Variants in MUSK observed in about 807,000 individuals in gnomAD.
The protein encoded by MUSK is muscle, skeletal receptor tyrosine-protein kinase.
Under a neutral mutation model 88.7 loss-of-function variants are expected in MUSK, and 55 were observed. The ratio of observed to expected loss-of-function variants is 0.62; its 90% CI spans 0.50 to 0.78. MUSK has a LOEUF of 0.78. Ranked by LOEUF, MUSK falls within the 30% of genes least tolerant of loss-of-function variation. The pLI is 0.00. For synonymous variants in MUSK, 387 were observed against 391.9 expected, an observed-to-expected ratio of 0.99 and a Z score of 0.15; for missense variants, 1,015 against 1,074.3, an observed-to-expected ratio of 0.94 and a Z score of 0.77.
chr9:110,723,196 C>T (rs922713402), intron 5 of MUSK, among the ~76,000 whole-genome samples: 6 of 151,096 alleles, frequency 4.0e-5, no homozygotes, highest in Non-Finnish European at 7.4e-5. Context: ...CACATACATA[C>T]ATATACACAC....
chr9:110,709,405 T>C (rs1046693164), intron 5 of MUSK, among the ~76,000 whole-genome samples: 2 of 152,210 alleles, frequency 1.3e-5, no homozygotes, highest in Non-Finnish European at 2.9e-5. Context: ...AAATCCTGGT[T>C]CTACCACCTA....
In MUSK at chr9:110,775,937, C is replaced by T. The variant is rs1000792918; in HGVS notation, c.1334C>T (p.Thr445Met). ...SKLPSMHWDPTACARLPHLDY... is the reference protein window; with the variant it reads ...SKLPSMHWDPMACARLPHLDY... The stretch of plus-strand genomic sequence containing the variant: ...CTTCCCAGCATGCATTGGGACCCCA[C>T]GGCCTGTGCCAGACTGCCACATCTA... Residue 445 changes from threonine (T) to methionine (M), a missense_variant, in exon 10 of 15, where the codon ACG becomes ATG. Coordinates refer to ENST00000374448, the MANE Select transcript of MUSK (RefSeq NM_005592.4). The T allele has an allele frequency of 1.2e-6, 2 of 1,613,570 alleles. No individual in the cohort carries two copies. Among genetic ancestry groups the T allele is most frequent in the Non-Finnish European group, 1.7e-6 (2 of 1,179,580 alleles).
chr9:110,753,904 C>A (rs1218017775), intron 7 of MUSK, among the ~76,000 whole-genome samples: 1 of 152,116 alleles, frequency 6.6e-6, no homozygotes, highest in Non-Finnish European at 1.5e-5. Context: ...ATCAGTATAG[C>A]TGATTGAATG....
chr9:110,703,713 CAGAA>C (rs1475394244), intron 5 of MUSK, among the ~76,000 whole-genome samples: 2 of 151,634 alleles, frequency 1.3e-5, no homozygotes, highest in Non-Finnish European at 2.9e-5. Flanking sequence ...GAATTCAGTG[CAGAA>C]AGATTTTGAA....
chr9:110,788,754 T>C (rs1325086735), intron 14 of MUSK, among the ~76,000 whole-genome samples: 1 of 152,238 alleles, frequency 6.6e-6, no homozygotes, highest in African/African-American at 2.4e-5. Context: ...TACAGACTTT[T>C]TAAAGTGTTA....
rs1370935371 is a variant in MUSK at position 110,804,406 on chromosome 9, T to C, written c.*3418T>C. Among the ~76,000 whole-genome samples, 2 of 152,268 alleles carry C rather than the reference T, an allele frequency of 1.3e-5. No individual in the cohort carries two copies. The highest frequency in any genetic ancestry group is 3.8e-4 in the East Asian group (2 of 5,196). On this transcript the variant is annotated 3_prime_UTR_variant, in exon 15 of 15. Coordinates refer to ENST00000374448, the MANE Select transcript of MUSK (RefSeq NM_005592.4). ...AGATCTCATAGCCCTAAACATTTGC[T>C]TTCATAGATAATTTTCTGTTTTTTA...
intron 5 of MUSK, among the ~76,000 whole-genome samples, chr9:110,732,084 G>T (rs544987055): frequency 2.0e-5 from 3 of 152,042 alleles, no homozygotes; most frequent in African/African-American, 7.2e-5. Context: ...CATTCAAAAG[G>T]CGTTTTTGAT....
Position 110,695,492 on chromosome 9 carries a change from C to A in MUSK, c.448C>A (p.Pro150Thr). ...ATGTACTACAATGGGTAATCCCAAA[C>A]CATCAGTGTCTTGGATAAAGGGAGA... The part of the protein sequence containing the change: ...LPCTTMGNPK[P>T]SVSWIKGDSP... Residue 150 changes from proline to threonine, a missense_variant, in exon 4 of 15, where the codon CCA becomes ACA. Physicochemically the swap from Pro to Thr is conservative, Grantham distance 38. Coordinates refer to ENST00000374448, the MANE Select transcript of MUSK (RefSeq NM_005592.4). 1 of 1,566,736 alleles carries A rather than the reference C, an allele frequency of 6.4e-7. No individual in the cohort carries two copies. The highest frequency in any genetic ancestry group is 8.7e-7 in the Non-Finnish European group (1 of 1,152,678).
chr9:110,730,280 A>T (rs2076946215), intron 5 of MUSK, among the ~76,000 whole-genome samples: 1 of 152,050 alleles, frequency 6.6e-6, no homozygotes, highest in African/African-American at 2.4e-5. Flanking sequence ...CTCACAGTGA[A>T]TTGGAGAAGG....
rs183341764 is a variant in MUSK, at chr9:110,781,501, C to T, written c.1385-3314C>T. Among the ~76,000 whole-genome samples, 396 of 152,306 alleles carry T rather than the reference C, an allele frequency of 2.6e-3. 3 individuals carry two copies. Among genetic ancestry groups the T allele is most frequent in the Middle Eastern group, 6.8e-3 (2 of 294 alleles). ...CCGTGTTAGCCAGGATGGTCTCGAT[C>T]TCCTGACCTCGTGATTCACCCGCCT... On this transcript the variant is annotated intron_variant, in intron 11 of 14. Coordinates refer to ENST00000374448, the MANE Select transcript of MUSK (RefSeq NM_005592.4).
intron 7 of MUSK, among the ~76,000 whole-genome samples, chr9:110,750,007 CAT>C (rs1191810215): frequency 1.1e-4 from 16 of 152,048 alleles, no homozygotes; most frequent in African/African-American, 2.9e-4. Context: ...GTTAAATAAA[CAT>C]ATATTTATAA....
intron 11 of MUSK, among the ~76,000 whole-genome samples, chr9:110,778,225 T>C (rs1252364700): frequency 6.6e-6 from 1 of 152,128 alleles, no homozygotes; most frequent in Non-Finnish European, 1.5e-5. Context: ...TTTTCTTTTT[T>C]ATAATTTCTT....
Position 110,767,932 on chromosome 9 carries a change from G to A in MUSK, c.1033G>A (p.Glu345Lys). 6.2e-7 allele frequency: 1 copy of A among 1,613,952 alleles called. No homozygotes were observed. Among genetic ancestry groups the A allele is most frequent in the Non-Finnish European group, 8.5e-7 (1 of 1,179,892 alleles). The change falls in exon 9 of 15, where the codon GAG becomes AAG. Residue 345 changes from glutamate to lysine, a missense_variant. Coordinates refer to ENST00000374448, the MANE Select transcript of MUSK (RefSeq NM_005592.4). The stretch of plus-strand genomic sequence containing the variant: ...TCTCAACACCTCCTATGCGGACCCT[G>A]AGGAGGCCCAAGAGCTACTGGTCCA... ...VFLNTSYADPEEAQELLVHTA... is the reference protein window; with the variant it reads ...VFLNTSYADPKEAQELLVHTA...
At chr9:110,674,553 T>C (rs2076000072) in intron 1 of MUSK, among the ~76,000 whole-genome samples, 1 of 152,122 alleles carries the variant, frequency 6.6e-6, no homozygotes, top group South Asian at 2.1e-4. Context: ...TGCCTTTCTA[T>C]ATGTGAGATT....
At chr9:110,746,045 A>G (rs984030556) in intron 6 of MUSK, among the ~76,000 whole-genome samples, 8 of 152,112 alleles carry the variant, frequency 5.3e-5, no homozygotes, top group Admixed American at 2.6e-4. Context: ...TGGCTCCAAA[A>G]TGTCTCATTC....
At chr9:110,684,945 G>A (rs990841205) in intron 2 of MUSK, among the ~76,000 whole-genome samples, 1 of 151,954 alleles carries the variant, frequency 6.6e-6, no homozygotes, top group African/African-American at 2.4e-5. Flanking sequence ...CAATTTGGAT[G>A]GCCCTTAATA....
chr9:110,734,905 A>G (rs187710783), intron 6 of MUSK, among the ~76,000 whole-genome samples: 1 of 152,206 alleles, frequency 6.6e-6, no homozygotes, highest in East Asian at 1.9e-4. Flanking sequence ...TGAACATCAA[A>G]CACTATTCTA....
intron 8 of MUSK, among the ~76,000 whole-genome samples, chr9:110,763,883 T>C (rs2077436741): frequency 6.6e-6 from 1 of 152,158 alleles, no homozygotes; most frequent in Admixed American, 6.5e-5. Context: ...TTGAATGTGA[T>C]TCATGCGTTT....
intron 8 of MUSK, among the ~76,000 whole-genome samples, chr9:110,765,903 A>G (rs2077475694): frequency 6.6e-6 from 1 of 152,068 alleles, no homozygotes; most frequent in East Asian, 1.9e-4. Context: ...CTTAGGTTCA[A>G]TGAAGTATGA....
Sources: allele counts gnomAD v4.1 joint callset (sites outside exome capture counted in the v4.1 genomes callset), GRCh38; gene constraint gnomAD v4.1.1; transcripts MANE v1.5; gene names NCBI Gene and HGNC (gene_info 2026-07-23, HGNC 2026-07-21).